KLHL29: variants seen among roughly 807,000 people sequenced by gnomAD.
The protein encoded by KLHL29 is kelch like family member 29.
Under a neutral mutation model 80.4 loss-of-function variants are expected in KLHL29, and 21 were observed. That is an observed-to-expected ratio of 0.26 (90% confidence interval 0.19 to 0.38). The LOEUF (loss-of-function observed/expected upper bound fraction) is 0.38. Among genes scored for constraint, KLHL29 ranks in the 10% least tolerant of loss-of-function variants. The probability of loss-of-function intolerance (pLI) is 1.00; values close to 1 mark genes in which losing one functional copy is unlikely to be tolerated. For missense variants in KLHL29, 867 were observed against 1,223.9 expected, an observed-to-expected ratio of 0.71 and a Z score of 4.35; for synonymous variants, 511 against 526.8, an observed-to-expected ratio of 0.97 and a Z score of 0.41.
At chr2:23,657,868 C>A (rs910317804) in intron 5 of KLHL29, among the ~76,000 whole-genome samples, 4 of 152,178 alleles carry the variant, frequency 2.6e-5, no homozygotes, top group Non-Finnish European at 5.9e-5. Flanking sequence ...GGAGCAGGAG[C>A]AGGAAGGCTG....
intron 2 of KLHL29, among the ~76,000 whole-genome samples, chr2:23,557,171 T>C (rs375653485): frequency 6.6e-6 from 1 of 152,230 alleles, no homozygotes; most frequent in East Asian, 1.9e-4. Context: ...CAGGCCTCCT[T>C]CTGCCACAAC....
chr2:23,427,250 T>G (rs1427552961), intron 1 of KLHL29, among the ~76,000 whole-genome samples: 1 of 152,060 alleles, frequency 6.6e-6, no homozygotes, highest in Non-Finnish European at 1.5e-5. Flanking sequence ...TTTTGCGGCG[T>G]TCTATATTTA....
rs557883541 is a variant in KLHL29 at position 23,542,999 on chromosome 2, G to A, written c.-45-19153G>A. On this transcript the variant is annotated intron_variant, in intron 2 of 13. Transcript: ENST00000486442. ...CTATTGGAACAAACCACCCCAAACT[G>A]TAGTGGCTTAATCATGTAGCTTCCT... 1.5e-3 allele frequency among the ~76,000 whole-genome samples: 228 copies of A among 152,330 alleles called. 2 individuals are homozygous for A. Among genetic ancestry groups the A allele is most frequent in the African/African-American group, 5.4e-3 (223 of 41,562 alleles).
chr2:23,426,588 A>C (rs1558334105), intron 1 of KLHL29, among the ~76,000 whole-genome samples: 1 of 152,242 alleles, frequency 6.6e-6, no homozygotes, highest in Non-Finnish European at 1.5e-5. Context: ...ATAAACGCCC[A>C]ATCTGCAAGA....
At chr2:23,575,222 G>A (rs977681614) in intron 3 of KLHL29, among the ~76,000 whole-genome samples, 4 of 152,286 alleles carry the variant, frequency 2.6e-5, no homozygotes, top group African/African-American at 7.2e-5. Flanking sequence ...CGTTTTTGTG[G>A]TCCATTTCTC....
At chr2:23,421,018 T>C (rs1211801233) in intron 1 of KLHL29, among the ~76,000 whole-genome samples, 1 of 152,162 alleles carries the variant, frequency 6.6e-6, no homozygotes. Context: ...CTTCGCACAC[T>C]AGTCCTCACA....
rs113623871 is a variant in KLHL29, at chr2:23,565,154, C to G, written c.285+2673C>G. Among the ~76,000 whole-genome samples, 1,271 of 152,316 alleles carry G rather than the reference C, an allele frequency of 8.3e-3. 20 individuals are homozygous for G. Among genetic ancestry groups the G allele is most frequent in the South Asian group, 0.048 (231 of 4,818 alleles). On this transcript the variant is annotated intron_variant, in intron 3 of 13. Transcript: ENST00000486442. ...CATATTGGTGCTGACCTCCTCCTATCACCGCTGTCACTGTCATCCAGGTGA... is the reference window on the plus strand; with the variant it reads ...CATATTGGTGCTGACCTCCTCCTATGACCGCTGTCACTGTCATCCAGGTGA...
chr2:23,703,401 A>G (rs192192605), intron 12 of KLHL29, 22 bp downstream of exon 12: 2 of 1,460,136 alleles, frequency 1.4e-6, no homozygotes, highest in African/African-American at 2.8e-5. Context: ...CGGTGTCCTC[A>G]GCCCAGGGCC....
rs1031794219 is a variant in KLHL29 at position 23,562,519 on chromosome 2, G to C, written c.285+38G>C. On this transcript the variant is annotated intron_variant, in intron 3 of 13. Transcript: ENST00000486442. This position sits in a 1 kb window ranked among gnomAD's most constrained non-coding sequence, Gnocchi z 4.5. ...GTCATCTCTGAGCAGGAGCCGGACA[G>C]AGGGGCCCTGCCTCCCTGCAGGCTC... The C allele has an allele frequency of 3.9e-6, 6 of 1,529,742 alleles. No individual in the cohort carries two copies. In the African/African-American group the frequency reaches 8.2e-5, roughly 21 times the overall value. 94.8% of individuals were successfully genotyped at this position (1,529,742 alleles called of 1,614,324 possible).
At chr2:23,483,790 C>G (rs1664859330) in intron 2 of KLHL29, among the ~76,000 whole-genome samples, 1 of 152,156 alleles carries the variant, frequency 6.6e-6, no homozygotes. Context: ...GGTCACACAG[C>G]CCATCAGGCA....
intron 1 of KLHL29, among the ~76,000 whole-genome samples, chr2:23,403,312 A>G (rs1666640347): frequency 6.6e-6 from 1 of 152,222 alleles, no homozygotes; most frequent in Admixed American, 6.5e-5. Context: ...ACAGGCCGCC[A>G]TGTAGAAGAA....
chr2:23,688,953 A>G (rs973849614), intron 6 of KLHL29: 2 of 152,012 alleles, frequency 1.3e-5, no homozygotes, highest in Non-Finnish European at 2.9e-5. Flanking sequence ...GTTCAGAGAG[A>G]AGAGGCCTAA....
chr2:23,597,380 TG>T (rs1668443176), intron 3 of KLHL29, among the ~76,000 whole-genome samples: 1 of 24,610 alleles, frequency 4.1e-5, no homozygotes, highest in African/African-American at 1.3e-4. Flanking sequence ...TATGTGTGTG[TG>T]TGTATATATA....
chr2:23,480,860 C>G (rs566195382), intron 2 of KLHL29, among the ~76,000 whole-genome samples: 1 of 152,178 alleles, frequency 6.6e-6, no homozygotes, highest in African/African-American at 2.4e-5. Flanking sequence ...CAACAGTGCA[C>G]CCTCGTTTAG....
chr2:23,400,478 C>G (rs1666572707), intron 1 of KLHL29, among the ~76,000 whole-genome samples: 1 of 152,156 alleles, frequency 6.6e-6, no homozygotes, highest in Non-Finnish European at 1.5e-5. Flanking sequence ...AGGTCAGTGT[C>G]TCCTCATTTC....
intron 3 of KLHL29, among the ~76,000 whole-genome samples, chr2:23,576,185 A>G (rs1667837699): frequency 6.6e-6 from 1 of 152,024 alleles, no homozygotes; most frequent in Admixed American, 6.6e-5. Flanking sequence ...GGCACCTGTA[A>G]TCTCAGCTGC....
At chr2:23,485,665 A>G (rs778220599) in intron 2 of KLHL29, among the ~76,000 whole-genome samples, 7 of 150,466 alleles carry the variant, frequency 4.7e-5, no homozygotes, top group Non-Finnish European at 8.8e-5. Flanking sequence ...GCCTTTGTTC[A>G]TTCATTCAGG....
intron 2 of KLHL29, among the ~76,000 whole-genome samples, chr2:23,492,139 G>C (rs1309906338): frequency 6.6e-6 from 1 of 152,218 alleles, no homozygotes; most frequent in African/African-American, 2.4e-5. Flanking sequence ...CCAAGTTCCA[G>C]ACACCTGTGC....
intron 2 of KLHL29, among the ~76,000 whole-genome samples, chr2:23,489,975 ACT>A (rs1297352046): frequency 6.6e-6 from 1 of 151,744 alleles, no homozygotes; most frequent in Non-Finnish European, 1.5e-5. Context: ...TCTTATCTAT[ACT>A]CCCCTTGCTC....
Sources: gnomAD v4.1 joint callset for allele counts (sites outside exome capture counted in the v4.1 genomes callset) on GRCh38, gnomAD v4.1.1 for gene constraint, Gnocchi (gnomAD v3.1) non-coding constraint, MANE v1.5 for transcripts, NCBI Gene and HGNC (gene_info 2026-07-23, HGNC 2026-07-21) for gene names.